Variants in HECW2 observed in about 807,000 individuals in gnomAD.
HECW2 encodes E3 ubiquitin-protein ligase HECW2.
A neutral mutation model predicts 175.2 loss-of-function variants in HECW2; 61 were observed. The observed-to-expected ratio is 0.35, with a 90% CI of 0.28 to 0.43. HECW2 has a LOEUF of 0.43. Ranked by LOEUF, HECW2 falls within the 20% of genes least tolerant of loss-of-function variation. The pLI is 1.00. For missense variants in HECW2, 1,524 were observed against 2,000.5 expected, an observed-to-expected ratio of 0.76 and a Z score of 4.54; for synonymous variants, 671 against 731.0, an observed-to-expected ratio of 0.92 and a Z score of 1.32.
intron 28 of HECW2, among the ~76,000 whole-genome samples, chr2:196,206,972 G>T (rs1687090006): frequency 2.0e-5 from 3 of 152,190 alleles, no homozygotes; most frequent in Admixed American, 1.3e-4. Flanking sequence ...TGAAAGATTT[G>T]TAGGTGTGCA....
At chr2:196,562,405 A>G (rs1690033111) in intron 1 of HECW2, among the ~76,000 whole-genome samples, 1 of 151,702 alleles carries the variant, frequency 6.6e-6, no homozygotes, top group Non-Finnish European at 1.5e-5. Flanking sequence ...TTTAAAATTT[A>G]ATGATATTCT....
chr2:196,252,943 C>A (rs965831089), intron 19 of HECW2, among the ~76,000 whole-genome samples: 2 of 152,286 alleles, frequency 1.3e-5, no homozygotes, highest in East Asian at 1.9e-4. Context: ...CAGAGCTTCA[C>A]AGAGTTATTT....
At chr2:196,211,029 T>C (rs979496728) in intron 28 of HECW2, among the ~76,000 whole-genome samples, 2 of 152,250 alleles carry the variant, frequency 1.3e-5, no homozygotes, top group African/African-American at 4.8e-5. Flanking sequence ...GACATCTATT[T>C]CATAATTAAC....
chr2:196,505,785 T>C (rs1362536431), intron 1 of HECW2, among the ~76,000 whole-genome samples: 3 of 152,218 alleles, frequency 2.0e-5, no homozygotes, highest in African/African-American at 7.2e-5. Flanking sequence ...GATAACTTCA[T>C]AGAAATATTA....
chr2:196,552,205 A>T (rs562936284), intron 1 of HECW2, among the ~76,000 whole-genome samples: 1 of 152,218 alleles, frequency 6.6e-6, no homozygotes, highest in Non-Finnish European at 1.5e-5. Context: ...CCAGGGAGAG[A>T]TATTTAAGTT....
intron 21 of HECW2, among the ~76,000 whole-genome samples, chr2:196,238,051 A>C (rs1052598101): frequency 5.9e-5 from 9 of 152,220 alleles, no homozygotes; most frequent in Admixed American, 2.6e-4. Context: ...GTAAAGAGAA[A>C]GTAACAGAAA....
intron 19 of HECW2, among the ~76,000 whole-genome samples, chr2:196,252,882 A>G (rs902461954): frequency 6.6e-6 from 1 of 152,194 alleles, no homozygotes; most frequent in East Asian, 1.9e-4. Flanking sequence ...TGAAAGAATA[A>G]TTGTTCCCAC....
In HECW2 at chr2:196,199,448, AGTG is replaced by A. The variant is rs1424091284; in HGVS notation, c.*1826_*1828del. 6.6e-6 allele frequency: 1 copy of A among 152,562 alleles called. No individual in the cohort carries two copies. Among genetic ancestry groups the A allele is most frequent in the Non-Finnish European group, 1.5e-5 (1 of 68,002 alleles). 9.5% of individuals were successfully genotyped at this position (152,562 alleles called of 1,614,324 possible). ...GCCTTTAGTGCAGGAGTGTAACATA[AGTG>A]GTATTCCTCTTGAGGGTCCCAGTAG... On this transcript the variant is annotated 3_prime_UTR_variant, in exon 29 of 29. Coordinates refer to ENST00000644978, the MANE Select transcript of HECW2 (RefSeq NM_001348768.2).
At chr2:196,553,220 A>C (rs1004173285) in intron 1 of HECW2, among the ~76,000 whole-genome samples, 13 of 152,232 alleles carry the variant, frequency 8.5e-5, no homozygotes, top group African/African-American at 2.9e-4. Flanking sequence ...TTTGAATTCC[A>C]CCCAACAGTA....
chr2:196,261,625 A>C (rs186782427), intron 17 of HECW2, among the ~76,000 whole-genome samples: 1 of 152,342 alleles, frequency 6.6e-6, no homozygotes, highest in African/African-American at 2.4e-5. Context: ...TTCCACCAAT[A>C]ATGGTCTCAA....
At chr2:196,390,919 TC>T (rs1694490542) in intron 2 of HECW2, among the ~76,000 whole-genome samples, 1 of 152,170 alleles carries the variant, frequency 6.6e-6, no homozygotes, top group Admixed American at 6.5e-5. Flanking sequence ...GAGCTCAATT[TC>T]CTTATTAATC....
At chr2:196,487,008 G>C (rs922754159) in intron 1 of HECW2, among the ~76,000 whole-genome samples, 1 of 152,026 alleles carries the variant, frequency 6.6e-6, no homozygotes, top group Non-Finnish European at 1.5e-5. Context: ...CATGAGCCAG[G>C]CATGGTGGCA....
At chr2:196,213,336 C>A (rs1489149185) in intron 28 of HECW2, among the ~76,000 whole-genome samples, 2 of 152,196 alleles carry the variant, frequency 1.3e-5, no homozygotes, top group Non-Finnish European at 2.9e-5. Context: ...CTTTCATATA[C>A]ATTATCTTAC....
rs534519917 is a variant in HECW2 at position 196,194,666 on chromosome 2, A to C, written c.*6611T>G. On this transcript the variant is annotated 3_prime_UTR_variant, in exon 29 of 29. Transcript: ENST00000644978. ...CAACAATCTGCATTATTTACTTTGA[A>C]AAAAAAATTACATATAAGGTGAAGT... The C allele has an allele frequency of 6.6e-6, 1 of 152,248 alleles. No homozygotes were observed. Among genetic ancestry groups the C allele is most frequent in the African/African-American group, 2.4e-5 (1 of 41,568 alleles). 9.4% of individuals were successfully genotyped at this position (152,248 alleles called of 1,614,324 possible).
chr2:196,347,667 C>CT (rs1170843070), intron 2 of HECW2, among the ~76,000 whole-genome samples: 2 of 152,210 alleles, frequency 1.3e-5, no homozygotes, highest in African/African-American at 4.8e-5. Flanking sequence ...TGAGCAGAAG[C>CT]TGGATGGGCC....
intron 1 of HECW2, among the ~76,000 whole-genome samples, chr2:196,550,306 A>T (rs901883382): frequency 9.2e-5 from 14 of 152,260 alleles, no homozygotes; most frequent in African/African-American, 3.1e-4. Context: ...GTATTTTCTG[A>T]TTGTAATTTA....
At chr2:196,549,542 A>G (rs544015221) in intron 1 of HECW2, among the ~76,000 whole-genome samples, 2 of 151,672 alleles carry the variant, frequency 1.3e-5, no homozygotes, top group African/African-American at 4.8e-5. Flanking sequence ...CATTAACCTA[A>G]ATCCAACTTA....
At position 196,413,354 on chromosome 2, in the gene HECW2, T is replaced by C. The variant is rs771952074; in HGVS notation, c.292+19778A>G. 1.1e-4 allele frequency among the ~76,000 whole-genome samples: 16 copies of C among 140,416 alleles called. No homozygotes were observed. The East Asian group carries it at 3.1e-3, about 27-fold the overall frequency. 92.1% of individuals were successfully genotyped at this position (140,416 alleles called of 152,430 possible). On this transcript the variant is annotated intron_variant, in intron 2 of 28. Transcript: ENST00000644978. ...TGGGTGACAGAGCAAGACCCTGTCT[T>C]TTTTTTTTTGAGATTGAGTCTCACT... is the stretch of plus-strand genomic sequence containing the variant.
chr2:196,554,537 G>C (rs1295217054), intron 1 of HECW2, among the ~76,000 whole-genome samples: 2 of 152,138 alleles, frequency 1.3e-5, no homozygotes, highest in African/African-American at 4.8e-5. Context: ...AGAATGAGGA[G>C]GATGGTCAAA....
Sources: gnomAD v4.1 joint callset for allele counts (sites outside exome capture counted in the v4.1 genomes callset) on GRCh38, gnomAD v4.1.1 for gene constraint, MANE v1.5 for transcripts, NCBI Gene and HGNC (gene_info 2026-07-23, HGNC 2026-07-21) for gene names.